Variants in DMTF1 observed in about 807,000 individuals in gnomAD.
DMTF1 encodes the protein cyclin-D-binding Myb-like transcription factor 1.
A neutral mutation model predicts 91.1 loss-of-function variants in DMTF1; 39 were observed. The observed-to-expected ratio is 0.43, with a 90% confidence interval of 0.33 to 0.56. The LOEUF is 0.56. DMTF1 is among the 20% of genes least tolerant of loss of function. DMTF1 has a pLI of 0.05. For synonymous variants in DMTF1, 338 were observed against 309.5 expected (o/e 1.09, Z -0.97); for missense variants, 750 against 914.5 (o/e 0.82, Z 2.32).
chr7:87,152,842 A>C (rs1789521574), intron 1 of DMTF1: 2 of 155,382 alleles, frequency 1.3e-5, no homozygotes, highest in African/African-American at 4.8e-5. Context: ...GCGGGGGCGG[A>C]AAATGGCGGC....
chr7:87,184,932 C>G (rs773457080), intron 11 of DMTF1: 6 of 497,340 alleles, frequency 1.2e-5, no homozygotes, highest in Non-Finnish European at 2.4e-5. Flanking sequence ...TTCCACTGTC[C>G]CACCAATGTG....
At chr7:87,160,458 A>G (rs1792017689) in intron 1 of DMTF1, among the ~76,000 whole-genome samples, 1 of 151,510 alleles carries the variant, frequency 6.6e-6, no homozygotes, top group Non-Finnish European at 1.5e-5. Context: ...TATTTTTAGT[A>G]GAGACGGGGT....
chr7:87,175,030 T>G (rs141157902), intron 7 of DMTF1, among the ~76,000 whole-genome samples: 3,712 of 151,406 alleles, frequency 0.025, 125 homozygotes, highest in African/African-American at 0.077. Flanking sequence ...TTTTGTTTTT[T>G]TTTTTTTTGA....
chr7:87,161,483 C>CA (rs1321867459), intron 1 of DMTF1, among the ~76,000 whole-genome samples: 1 of 152,146 alleles, frequency 6.6e-6, no homozygotes, highest in Non-Finnish European at 1.5e-5. Flanking sequence ...GCCTGGGCAA[C>CA]AGAGTGAGAC....
intron 15 of DMTF1, 74 bp from the exon 16 acceptor site, chr7:87,193,648 TGTG>T: frequency 7.6e-7 from 1 of 1,310,026 alleles, no homozygotes; most frequent in Non-Finnish European, 1.1e-6. Flanking sequence ...AGGTAAGAGA[TGTG>T]GGGGGAGACA....
At chr7:87,188,403 CAA>C (rs1482992656) in intron 13 of DMTF1, 102 bp downstream of exon 13, 1 of 1,244,354 alleles carries the variant, frequency 8.0e-7, no homozygotes, top group Admixed American at 1.9e-5. Flanking sequence ...GAAATTTACC[CAA>C]GTCGGTGAAC....
At chr7:87,178,101 C>G (rs1212158038) in intron 7 of DMTF1, among the ~76,000 whole-genome samples, 1 of 152,060 alleles carries the variant, frequency 6.6e-6, no homozygotes, top group Non-Finnish European at 1.5e-5. Context: ...TGTCATCTTC[C>G]TGTTTAAGAA....
At chr7:87,165,138 T>A in intron 3 of DMTF1, 88 bp downstream of exon 3, 6 of 769,782 alleles carry the variant, frequency 7.8e-6, no homozygotes, top group Non-Finnish European at 1.3e-5. Context: ...AATAGGGGTC[T>A]AGGTGCCTAT....
intron 9 of DMTF1, among the ~76,000 whole-genome samples, chr7:87,181,642 A>G (rs887993422): frequency 2.0e-5 from 3 of 152,196 alleles, no homozygotes; most frequent in African/African-American, 7.2e-5. Flanking sequence ...TGGGGAATTT[A>G]TATACCAGGA....
At chr7:87,180,282 C>CT (rs1797054527) in intron 8 of DMTF1, among the ~76,000 whole-genome samples, 1 of 152,164 alleles carries the variant, frequency 6.6e-6, no homozygotes, top group African/African-American at 2.4e-5. Context: ...TGTTGGAGCT[C>CT]TTTCTCTAGC....
intron 14 of DMTF1, chr7:87,192,536 G>T (rs7793356): frequency 6.6e-6 from 1 of 151,962 alleles, no homozygotes; most frequent in African/African-American, 2.4e-5. Context: ...TGAAAAACAG[G>T]CTACATGATT....
At position 87,195,074 on chromosome 7, in the gene DMTF1, A is replaced by C. The variant is rs1800983688; in HGVS notation, c.2217A>C (p.Gly739=). The C allele has an allele frequency of 6.2e-7, 1 of 1,612,350 alleles. No individual in the cohort carries two copies. The highest frequency in any genetic ancestry group is 8.5e-7 in the Non-Finnish European group (1 of 1,179,024). Residue 739 remains glycine (G), a synonymous_variant, in exon 18 of 18, where the codon GGA becomes GGC. Transcript: ENST00000331242. The part of the protein sequence containing the change: ...QHHQEESNII[G]SSLGSPVSED... ...ATCAGGAAGAATCAAATATCATTGGATCATCCTTGGGCAGTCCTGTTTCAG... is the reference window on the plus strand; with the variant it reads ...ATCAGGAAGAATCAAATATCATTGGCTCATCCTTGGGCAGTCCTGTTTCAG...
intron 16 of DMTF1, 72 bp downstream of exon 16, chr7:87,194,174 T>C (rs1800589427): frequency 6.8e-7 from 1 of 1,480,488 alleles, no homozygotes; most frequent in South Asian, 1.4e-5. Context: ...GGGAAACTTT[T>C]TTCTGAAGAC....
chr7:87,171,128 C>A, intron 5 of DMTF1, 39 bp downstream of exon 5: 1 of 1,331,264 alleles, frequency 7.5e-7, no homozygotes, highest in East Asian at 2.3e-5. Flanking sequence ...GAGGATGATC[C>A]TTTACACATT....
At chr7:87,174,727 A>T in intron 7 of DMTF1, 58 bp downstream of exon 7, 1 of 1,210,604 alleles carries the variant, frequency 8.3e-7, no homozygotes, top group East Asian at 2.4e-5. Flanking sequence ...TTGCAAAAAT[A>T]TCAACACAGA....
At chr7:87,153,638 T>C (rs1314879169) in intron 1 of DMTF1, among the ~76,000 whole-genome samples, 1 of 152,248 alleles carries the variant, frequency 6.6e-6, no homozygotes, top group Non-Finnish European at 1.5e-5. Context: ...CTCTTTTTAA[T>C]GTACATGGAT....
chr7:87,181,279 G>A (rs554459592), intron 8 of DMTF1, 30 bp from the exon 9 acceptor site: 2 of 1,080,830 alleles, frequency 1.9e-6, no homozygotes, highest in Non-Finnish European at 2.8e-6. Flanking sequence ...TGTTTTAATT[G>A]ATTTTTTAAA....
chr7:87,161,586 A>G (rs2129057889), intron 1 of DMTF1, among the ~76,000 whole-genome samples: 1 of 152,330 alleles, frequency 6.6e-6, no homozygotes, highest in South Asian at 2.1e-4. Context: ...ATATATTTGG[A>G]TATATTTGTT....
intron 14 of DMTF1, 73 bp downstream of exon 14, chr7:87,191,100 A>G: frequency 1.0e-6 from 1 of 982,842 alleles, no homozygotes; most frequent in Non-Finnish European, 1.5e-6. Context: ...TTTGTGTTTC[A>G]TTTGCTTATG....
Sources: gnomAD v4.1 joint callset for allele counts (sites outside exome capture counted in the v4.1 genomes callset) on GRCh38, gnomAD v4.1.1 for gene constraint, MANE v1.5 for transcripts, NCBI Gene and HGNC (gene_info 2026-07-23, HGNC 2026-07-21) for gene names.